RABGAP1L: variants seen among roughly 807,000 people sequenced by gnomAD.
RABGAP1L encodes rab GTPase-activating protein 1-like.
RABGAP1L carries 63 observed loss-of-function variants against 137.7 expected under a neutral mutation model. That is an observed-to-expected ratio of 0.46 (90% confidence interval 0.37 to 0.56). The LOEUF (loss-of-function observed/expected upper bound fraction) is 0.56. Ranked by LOEUF, RABGAP1L falls within the 20% of genes least tolerant of loss-of-function variation. The pLI, the probability that RABGAP1L is intolerant of heterozygous loss-of-function variation, is 0.00. For missense variants in RABGAP1L, 1,095 were observed against 1,244.0 expected, an observed-to-expected ratio of 0.88 and a Z score of 1.80; for synonymous variants, 431 against 433.7, an observed-to-expected ratio of 0.99 and a Z score of 0.08.
intron 17 of RABGAP1L, among the ~76,000 whole-genome samples, chr1:174,747,037 A>T (rs1683929583): frequency 6.6e-6 from 1 of 152,214 alleles, no homozygotes. Context: ...AAGAACAAAC[A>T]AATTGCTGGG....
At chr1:174,884,325 A>T (rs1308068895) in intron 19 of RABGAP1L, among the ~76,000 whole-genome samples, 1 of 152,236 alleles carries the variant, frequency 6.6e-6, no homozygotes, top group Non-Finnish European at 1.5e-5. Context: ...TTCATCAAGC[A>T]TGCCAAATTA....
At chr1:174,744,331 A>T (rs944056095) in intron 17 of RABGAP1L, among the ~76,000 whole-genome samples, 1 of 150,654 alleles carries the variant, frequency 6.6e-6, no homozygotes, top group Admixed American at 6.6e-5. Flanking sequence ...TGTATTTAAG[A>T]GCAGCTAGTA....
intron 12 of RABGAP1L, among the ~76,000 whole-genome samples, chr1:174,377,732 T>C (rs985895116): frequency 6.7e-6 from 1 of 149,568 alleles, no homozygotes; most frequent in East Asian, 2.0e-4. Flanking sequence ...GTGGAGACAT[T>C]GAAAGCGTAG....
At chr1:174,483,458 T>C (rs1301345312) in intron 13 of RABGAP1L, among the ~76,000 whole-genome samples, 1 of 152,258 alleles carries the variant, frequency 6.6e-6, no homozygotes, top group Non-Finnish European at 1.5e-5. Context: ...TTGTTGCAAA[T>C]GACAGTATCT....
At chr1:174,239,350 A>G (rs555551706) in intron 4 of RABGAP1L, among the ~76,000 whole-genome samples, 64 of 152,224 alleles carry the variant, frequency 4.2e-4, no homozygotes, top group East Asian at 1.9e-4. Context: ...CTCTGTCTTC[A>G]TTCACTACAT....
chr1:174,269,802 A>AT (rs1674404454), intron 7 of RABGAP1L, among the ~76,000 whole-genome samples: 1 of 152,008 alleles, frequency 6.6e-6, no homozygotes. Context: ...CTGTTTACTT[A>AT]TTTTCCCCCC....
At chr1:174,384,281 A>G (rs536497086) in intron 12 of RABGAP1L, among the ~76,000 whole-genome samples, 5 of 152,322 alleles carry the variant, frequency 3.3e-5, no homozygotes, top group Middle Eastern at 3.4e-3. Flanking sequence ...ATTGACTACA[A>G]GAGGGTCCAG....
intron 14 of RABGAP1L, among the ~76,000 whole-genome samples, chr1:174,645,439 C>T (rs1414227250): frequency 6.6e-6 from 1 of 150,886 alleles, no homozygotes; most frequent in Non-Finnish European, 1.5e-5. Flanking sequence ...CTCCCTGTGC[C>T]CATATGTTCT....
At chr1:174,598,478 G>A (rs904474055) in intron 13 of RABGAP1L, among the ~76,000 whole-genome samples, 2 of 152,100 alleles carry the variant, frequency 1.3e-5, no homozygotes, top group Admixed American at 6.5e-5. Context: ...CAGTCTGGAT[G>A]ATCTGTCCAG....
chr1:174,890,146 A>G (rs1655881986), intron 19 of RABGAP1L, among the ~76,000 whole-genome samples: 1 of 152,250 alleles, frequency 6.6e-6, no homozygotes, highest in African/African-American at 2.4e-5. Context: ...TCCTACGTGC[A>G]TAGCACTGTG....
At chr1:174,735,252 A>T (rs918853435) in intron 17 of RABGAP1L, among the ~76,000 whole-genome samples, 1 of 151,540 alleles carries the variant, frequency 6.6e-6, no homozygotes, top group African/African-American at 2.4e-5. Context: ...CTGGGATTAC[A>T]GGCGTGAGCC....
At chr1:174,882,005 G>A (rs1654311855) in intron 19 of RABGAP1L, among the ~76,000 whole-genome samples, 1 of 152,084 alleles carries the variant, frequency 6.6e-6, no homozygotes, top group Non-Finnish European at 1.5e-5. Flanking sequence ...GGGATTATAG[G>A]CATGCGCCAC....
At chr1:174,346,079 T>C (rs1682402362) in intron 11 of RABGAP1L, among the ~76,000 whole-genome samples, 1 of 152,204 alleles carries the variant, frequency 6.6e-6, no homozygotes, top group African/African-American at 2.4e-5. Flanking sequence ...CATACTTTTA[T>C]CTCGAGGATA....
At chr1:174,287,426 A>G (rs975132425) in intron 10 of RABGAP1L, among the ~76,000 whole-genome samples, 1 of 152,200 alleles carries the variant, frequency 6.6e-6, no homozygotes, top group Non-Finnish European at 1.5e-5. Context: ...TCTCAAAGCT[A>G]AAGTGAGTCT....
intron 11 of RABGAP1L, among the ~76,000 whole-genome samples, chr1:174,323,081 A>C (rs960197738): frequency 1.3e-5 from 2 of 152,174 alleles, no homozygotes; most frequent in East Asian, 3.9e-4. Flanking sequence ...TCAGTGTCAC[A>C]TCATTTGGCC....
intron 5 of RABGAP1L, among the ~76,000 whole-genome samples, chr1:174,249,070 G>A (rs1672496674): frequency 6.6e-6 from 1 of 152,074 alleles, no homozygotes; most frequent in African/African-American, 2.4e-5. Flanking sequence ...GTTGGATTTA[G>A]AGTACTTCTT....
At chr1:174,925,188 A>G (rs1662520149) in intron 19 of RABGAP1L, among the ~76,000 whole-genome samples, 1 of 151,724 alleles carries the variant, frequency 6.6e-6, no homozygotes, top group Non-Finnish European at 1.5e-5. Context: ...ACACGGTGAA[A>G]CCCCGTCTCT....
intron 19 of RABGAP1L, among the ~76,000 whole-genome samples, chr1:174,876,825 C>T (rs932658196): frequency 3.3e-5 from 5 of 152,078 alleles, no homozygotes; most frequent in Middle Eastern, 3.4e-3. Context: ...TAATTGATAT[C>T]GCTGTCCCTG....
intron 18 of RABGAP1L, among the ~76,000 whole-genome samples, chr1:174,778,681 A>G (rs1618207): frequency 0.63 from 95,290 of 151,514 alleles, 33,273 homozygotes; most frequent in East Asian, 0.93. Context: ...TGCAATCTCC[A>G]CCTCCTGGGT....
Sources: allele counts gnomAD v4.1 joint callset (sites outside exome capture counted in the v4.1 genomes callset), GRCh38; gene constraint gnomAD v4.1.1; transcripts MANE v1.5; gene names NCBI Gene and HGNC (gene_info 2026-07-23, HGNC 2026-07-21).